Variants in GGTA1 observed in about 807,000 individuals in gnomAD.
The protein encoded by GGTA1 is glycoprotein alpha-galactosyltransferase 1 (inactive).
A neutral mutation model predicts 2.6 loss-of-function variants in GGTA1; 5 were observed. The ratio of observed to expected loss-of-function variants is 1.92; its 90% CI spans 1.00 to 4.04. GGTA1 has a LOEUF of 4.04. Ranked by LOEUF, GGTA1 falls within the 30% of genes most tolerant of loss-of-function variation. The probability of loss-of-function intolerance (pLI) is 0.00; values close to 1 mark genes in which losing one functional copy is unlikely to be tolerated. For synonymous variants in GGTA1, 17 were observed against 5.0 expected, an observed-to-expected ratio of 3.38 and a Z score of -3.19; for missense variants, 50 against 16.7, an observed-to-expected ratio of 2.99 and a Z score of -3.47.
chr9:121,458,231 G>T (rs1466115700), intron 5 of GGTA1, among the ~76,000 whole-genome samples: 1 of 151,058 alleles, frequency 6.6e-6, no homozygotes, highest in African/African-American at 2.4e-5. Flanking sequence ...ATGTTTATTT[G>T]CTCATCCATT....
chr9:121,487,049 G>C lies in GGTA1; in HGVS notation c.-10+12601C>G, dbSNP rs185968361. On this transcript the variant is annotated intron_variant, in intron 1 of 5. Coordinates refer to ENST00000481799, the MANE Select transcript of GGTA1 (RefSeq NM_001382585.1). ...CTGGGGGAAGAGACAGGAAATCCTCGATGCTGCCCCAAAGCAGATGGATTT... is the reference window on the plus strand; with the variant it reads ...CTGGGGGAAGAGACAGGAAATCCTCCATGCTGCCCCAAAGCAGATGGATTT... 2.0e-5 allele frequency among the ~76,000 whole-genome samples: 3 copies of C among 152,218 alleles called. No homozygotes were observed. The South Asian group carries it at 6.2e-4, about 32-fold the overall frequency.
intron 1 of GGTA1, among the ~76,000 whole-genome samples, chr9:121,497,707 C>T (rs1462383896): frequency 6.6e-6 from 1 of 152,160 alleles, no homozygotes; most frequent in Non-Finnish European, 1.5e-5. Context: ...CTAGTCTACT[C>T]AGTTGGGCCA....
At chr9:121,482,119 A>G (rs753846818) in intron 1 of GGTA1, among the ~76,000 whole-genome samples, 1 of 152,098 alleles carries the variant, frequency 6.6e-6, no homozygotes, top group Middle Eastern at 3.4e-3. Context: ...TGCCTCCCCA[A>G]TCCCAGGCAC....
intron 1 of GGTA1, among the ~76,000 whole-genome samples, chr9:121,487,305 G>T (rs1426023861): frequency 6.7e-6 from 1 of 149,876 alleles, no homozygotes; most frequent in East Asian, 1.9e-4. Context: ...CAGGCTGCGC[G>T]CGGTGACTCA....
intron 7 of GGTA1, among the ~76,000 whole-genome samples, chr9:121,449,839 C>CA (rs35123086): frequency 0.76 from 72,053 of 94,340 alleles, 27,727 homozygotes; most frequent in Non-Finnish European, 0.85. Context: ...GACTCCATCT[C>CA]AAAAAAAAAA....
At chr9:121,448,692 C>T (rs778162489) in intron 7 of GGTA1, among the ~76,000 whole-genome samples, 7 of 151,988 alleles carry the variant, frequency 4.6e-5, no homozygotes, top group African/African-American at 1.5e-4. Flanking sequence ...AGAAAAATTG[C>T]GCCAAAAGTA....
chr9:121,447,518 T>C (rs1158356279), exon 8 of GGTA1: 1 of 152,562 alleles, frequency 6.6e-6, no homozygotes, highest in African/African-American at 2.4e-5. Context: ...TCCACCATGA[T>C]GTAAAATATG....
intron 1 of GGTA1, among the ~76,000 whole-genome samples, chr9:121,485,243 G>A (rs1276993306): frequency 2.0e-5 from 3 of 152,116 alleles, no homozygotes; most frequent in African/African-American, 4.8e-5. Flanking sequence ...TACCTTCTCT[G>A]GCTCCCTTGC....
downstream of GGTA1, among the ~76,000 whole-genome samples, chr9:121,451,423 G>A (rs954991157): frequency 6.6e-6 from 1 of 152,196 alleles, no homozygotes. Context: ...CTGACCTCGT[G>A]ATCCACCCAC....
intron 5 of GGTA1, among the ~76,000 whole-genome samples, chr9:121,456,118 C>G (rs2064909315): frequency 6.6e-6 from 1 of 152,176 alleles, no homozygotes; most frequent in South Asian, 2.1e-4. Flanking sequence ...CGGAGGGCAG[C>G]TCACACATGT....
chr9:121,471,992 G>A (rs982585363), intron 1 of GGTA1, among the ~76,000 whole-genome samples: 1 of 152,210 alleles, frequency 6.6e-6, no homozygotes, highest in African/African-American at 2.4e-5. Context: ...GAGTGATGTG[G>A]GGATGTGAGT....
downstream of GGTA1, among the ~76,000 whole-genome samples, chr9:121,452,761 C>G (rs1180589665): frequency 1.3e-5 from 2 of 152,132 alleles, no homozygotes; most frequent in Non-Finnish European, 2.9e-5. Flanking sequence ...TCAGGTGATC[C>G]GCCAGCTTCA....
intron 1 of GGTA1, among the ~76,000 whole-genome samples, chr9:121,472,372 T>C (rs10985263): frequency 0.51 from 78,041 of 151,904 alleles, 20,741 homozygotes; most frequent in South Asian, 0.66. Flanking sequence ...CCATAAAATA[T>C]TTAGCACTGT....
chr9:121,463,092 C>A, intron 3 of GGTA1: 1 of 311,262 alleles, frequency 3.2e-6, no homozygotes. Context: ...GAACTGAGGG[C>A]AAGATACAAG....
At chr9:121,489,879 T>A (rs2118763727) in intron 1 of GGTA1, among the ~76,000 whole-genome samples, 1 of 152,322 alleles carries the variant, frequency 6.6e-6, no homozygotes, top group South Asian at 2.1e-4. Context: ...TAAGCCTTCC[T>A]TAGTGAAGGA....
At position 121,476,352 on chromosome 9, in the gene GGTA1, G is replaced by A. The variant is rs1047494581; in HGVS notation, c.-9-8421C>T. 6.6e-6 allele frequency among the ~76,000 whole-genome samples: 1 copy of A among 151,718 alleles called. No homozygotes were observed. Among genetic ancestry groups the A allele is most frequent in the Non-Finnish European group, 1.5e-5 (1 of 67,980 alleles). On this transcript the variant is annotated intron_variant, in intron 1 of 5. Coordinates refer to ENST00000481799, the MANE Select transcript of GGTA1 (RefSeq NM_001382585.1). The surrounding 1 kb of genome is among the most constrained non-coding windows in gnomAD (Gnocchi z 4.6). Reference sequence around the variant, plus strand: ...CCTGCCTCACCCTGTCCCCAGCCTTGTCATAGTCCTGCAGGTCAGCCCCAG... The same window carrying A: ...CCTGCCTCACCCTGTCCCCAGCCTTATCATAGTCCTGCAGGTCAGCCCCAG...
chr9:121,448,953 C>A lies in GGTA1; in HGVS notation c.*119-1356G>T, dbSNP rs534351046. Among the ~76,000 whole-genome samples the A allele has an allele frequency of 3.3e-5, 5 of 152,362 alleles. No individual in the cohort carries two copies. The East Asian group carries it at 9.6e-4, about 29-fold the overall frequency. On this transcript the variant is annotated intron_variant and NMD_transcript_variant, in intron 7 of 7. Transcript: ENST00000481534. ...AAATAGCATCACTGCCCTAAAAATT[C>A]TCTGAGCTTTGCTCATTAATCCCTG...
chr9:121,465,012 A>C lies in GGTA1; in HGVS notation c.81-1684T>G, dbSNP rs1258388545. On this transcript the variant is annotated intron_variant, in intron 2 of 5. Coordinates refer to ENST00000481799, the MANE Select transcript of GGTA1 (RefSeq NM_001382585.1). ...GCAAAAAAACAAAACAAACAAAAAA[A>C]AAAAAACAAAAAACAACTCCTCCCC... Among the ~76,000 whole-genome samples, 65 of 151,806 alleles carry C rather than the reference A, an allele frequency of 4.3e-4. 2 individuals are homozygous for C. Among genetic ancestry groups the C allele is most frequent in the Middle Eastern group, 3.4e-3 (1 of 294 alleles).
chr9:121,450,308 T>C (rs1426554638), downstream of GGTA1, among the ~76,000 whole-genome samples: 2 of 151,730 alleles, frequency 1.3e-5, no homozygotes, highest in Non-Finnish European at 2.9e-5. Context: ...GCCCTGAAGC[T>C]TGGGAAACAA....
Sources: gnomAD v4.1 joint callset for allele counts (sites outside exome capture counted in the v4.1 genomes callset) on GRCh38, gnomAD v4.1.1 for gene constraint, Gnocchi (gnomAD v3.1) non-coding constraint, MANE v1.5 for transcripts, NCBI Gene and HGNC (gene_info 2026-07-23, HGNC 2026-07-21) for gene names.